TRAPPC13: variants seen among roughly 807,000 people sequenced by gnomAD.
TRAPPC13 encodes the protein REV7-interacting novel NHEJ regulator 1.
TRAPPC13 carries 39 observed loss-of-function variants against 54.0 expected under a neutral mutation model. That is an observed-to-expected ratio of 0.72 (90% CI 0.56 to 0.94). TRAPPC13 has a LOEUF of 0.94. Among genes scored for constraint, TRAPPC13 ranks in the 40% least tolerant of loss-of-function variants. The pLI is 0.00. For synonymous variants in TRAPPC13, 148 were observed against 167.7 expected, an observed-to-expected ratio of 0.88 and a Z score of 0.91; for missense variants, 386 against 488.1, an observed-to-expected ratio of 0.79 and a Z score of 1.97.
At chr5:65,662,187 C>A in intron 11 of TRAPPC13, 37 bp downstream of exon 11, 2 of 1,389,846 alleles carry the variant, frequency 1.4e-6, no homozygotes, top group Non-Finnish European at 2.0e-6. Context: ...TCCTTTCTAC[C>A]TCACCTGCCT....
chr5:65,660,974 T>C, intron 10 of TRAPPC13, 77 bp downstream of exon 10: 1 of 1,248,178 alleles, frequency 8.0e-7, no homozygotes, highest in Non-Finnish European at 1.1e-6. Flanking sequence ...TTTTTCTACA[T>C]CCAGCAGTAA....
chr5:65,635,288 T>G lies in TRAPPC13; in HGVS notation c.47-13T>G. The G allele has an allele frequency of 6.2e-7, 1 of 1,612,418 alleles. No homozygotes were observed. Among genetic ancestry groups the G allele is most frequent in the African/African-American group, 1.3e-5 (1 of 75,034 alleles). On this transcript the variant is annotated splice_polypyrimidine_tract_variant and intron_variant, in intron 1 of 12. Coordinates refer to ENST00000399438, the MANE Select transcript of TRAPPC13 (RefSeq NM_024941.4). The stretch of plus-strand genomic sequence containing the variant: ...ATTAATGTTTTGTTTTCTTTTACTT[T>G]TTTACTTCACAGTGATGCGGCTGAC...
intron 3 of TRAPPC13, among the ~76,000 whole-genome samples, chr5:65,637,355 G>A (rs1561765902): frequency 1.3e-5 from 2 of 152,166 alleles, no homozygotes; most frequent in South Asian, 4.1e-4. Context: ...AAACCTGATG[G>A]GCACAGTGGC....
intron 4 of TRAPPC13, among the ~76,000 whole-genome samples, chr5:65,639,364 G>GAA (rs57867266): frequency 6.9e-6 from 1 of 144,744 alleles, no homozygotes. Context: ...AATTAATTAA[G>GAA]AAAAAAAAAA....
rs768448535 is a variant in TRAPPC13, at chr5:65,625,068, T to C, written c.8T>C (p.Val3Ala). The change falls in exon 1 of 13, where the codon GTG becomes GCG. Residue 3 changes from valine (V) to alanine (A), a missense_variant. Coordinates refer to ENST00000399438, the MANE Select transcript of TRAPPC13 (RefSeq NM_024941.4). Reference protein sequence around the residue: MEVNPPKQEHLLA... With the variant: MEANPPKQEHLLA... ...TCAAAAGTGCCGGTCAAAATGGAAGTGAATCCCCCTAAACAGGAGCACCTG... is the reference window on the plus strand; with the variant it reads ...TCAAAAGTGCCGGTCAAAATGGAAGCGAATCCCCCTAAACAGGAGCACCTG... 7 of 1,613,780 alleles carry C rather than the reference T, an allele frequency of 4.3e-6. No individual in the cohort carries two copies. The highest frequency in any genetic ancestry group is 1.1e-5 in the South Asian group (1 of 91,080).
At chr5:65,649,977 C>CT (rs1756365226) in intron 5 of TRAPPC13, among the ~76,000 whole-genome samples, 1 of 151,244 alleles carries the variant, frequency 6.6e-6, no homozygotes, top group African/African-American at 2.4e-5. Flanking sequence ...CTGCCTCAGA[C>CT]TCCCGAGTAG....
At chr5:65,647,871 T>C (rs1385412982) in intron 5 of TRAPPC13, among the ~76,000 whole-genome samples, 1 of 152,220 alleles carries the variant, frequency 6.6e-6, no homozygotes, top group Non-Finnish European at 1.5e-5. Flanking sequence ...GTATATAATA[T>C]TAGCTGTTAT....
At chr5:65,639,755 T>TGTGTAGTCCCAGCACATTGTGTG (rs1392591235) in intron 4 of TRAPPC13, among the ~76,000 whole-genome samples, 4 of 152,144 alleles carry the variant, frequency 2.6e-5, no homozygotes, top group Non-Finnish European at 5.9e-5. Flanking sequence ...TTGTAGAAAA[T>TGTGTAGTCCCAGCACATTGTGTG]GGAACAGTTA....
chr5:65,640,330 A>G (rs1346898187), intron 4 of TRAPPC13, among the ~76,000 whole-genome samples: 1 of 152,212 alleles, frequency 6.6e-6, no homozygotes, highest in Non-Finnish European at 1.5e-5. Flanking sequence ...TCAGGCTACG[A>G]GTTTGAGACC....
chr5:65,638,491 T>C (rs571205471), intron 4 of TRAPPC13, among the ~76,000 whole-genome samples: 1 of 152,314 alleles, frequency 6.6e-6, no homozygotes, highest in African/African-American at 2.4e-5. Flanking sequence ...GGAGACATGG[T>C]AATCAGAGGC....
intron 10 of TRAPPC13, 152 bp downstream of exon 10, chr5:65,661,049 T>C (rs994347247): frequency 1.7e-6 from 1 of 588,990 alleles, no homozygotes; most frequent in Admixed American, 3.5e-5. Context: ...GTGTCACTGA[T>C]AGGTAGGTCG....
intron 4 of TRAPPC13, among the ~76,000 whole-genome samples, chr5:65,643,825 A>G (rs1268956026): frequency 8.9e-6 from 1 of 112,506 alleles, no homozygotes; most frequent in Non-Finnish European, 2.0e-5. Flanking sequence ...TCAGAAAAAA[A>G]AAAAAAAGAA....
At chr5:65,633,943 T>G (rs1461247514) in intron 1 of TRAPPC13, among the ~76,000 whole-genome samples, 1 of 149,706 alleles carries the variant, frequency 6.7e-6, no homozygotes, top group Non-Finnish European at 1.5e-5. Flanking sequence ...TTTTTTTTTG[T>G]CAAGAGGTTG....
intron 4 of TRAPPC13, among the ~76,000 whole-genome samples, chr5:65,643,329 T>G (rs1036563069): frequency 6.6e-6 from 1 of 152,096 alleles, no homozygotes; most frequent in Non-Finnish European, 1.5e-5. Flanking sequence ...TGTATATGTT[T>G]TATTATTGGC....
At chr5:65,650,920 C>T in intron 6 of TRAPPC13, 38 bp downstream of exon 6, 2 of 1,415,754 alleles carry the variant, frequency 1.4e-6, no homozygotes, top group Non-Finnish European at 2.0e-6. Flanking sequence ...TTTTATATGC[C>T]TTTTTCTTCC....
At chr5:65,635,403 G>C in intron 2 of TRAPPC13, 34 bp downstream of exon 2, 1 of 1,578,928 alleles carries the variant, frequency 6.3e-7, no homozygotes, top group Non-Finnish European at 8.7e-7. Context: ...TTGCACCTAG[G>C]GAAAGGTTGA....
At chr5:65,651,696 T>C (rs1405723643) in intron 6 of TRAPPC13, among the ~76,000 whole-genome samples, 1 of 148,274 alleles carries the variant, frequency 6.7e-6, no homozygotes, top group African/African-American at 2.5e-5. Context: ...ATTATAAATA[T>C]AGATCTAAAT....
intron 1 of TRAPPC13, among the ~76,000 whole-genome samples, chr5:65,625,713 CTTTTT>C (rs911012959): frequency 6.1e-5 from 9 of 147,622 alleles, no homozygotes; most frequent in African/African-American, 2.2e-4. Context: ...AACAGCAGCA[CTTTTT>C]TTTTTAGGAC....
chr5:65,665,163 G>A lies in TRAPPC13; in HGVS notation c.*552G>A, dbSNP rs1408811136. On this transcript the variant is annotated 3_prime_UTR_variant, in exon 13 of 13. Coordinates refer to ENST00000399438, the MANE Select transcript of TRAPPC13 (RefSeq NM_024941.4). ...GCCGAGATCATGCTACTGCACTCTA[G>A]CCTGAGCGACAGAGTGAGACTCTGT... The A allele has an allele frequency of 6.5e-6, 1 of 153,408 alleles. No homozygotes were observed. The highest frequency in any genetic ancestry group is 1.4e-5 in the Non-Finnish European group (1 of 68,994). The allele number at this position is 153,408 out of a possible 1,614,324, so 9.5% of individuals were successfully genotyped here.
Sources: gnomAD v4.1 joint callset for allele counts (sites outside exome capture counted in the v4.1 genomes callset) on GRCh38, gnomAD v4.1.1 for gene constraint, MANE v1.5 for transcripts, NCBI Gene and HGNC (gene_info 2026-07-23, HGNC 2026-07-21) for gene names.